Variants in TOGARAM2 observed in about 807,000 individuals in gnomAD.
TOGARAM2 encodes TOG array regulator of axonemal microtubules protein 2.
TOGARAM2 carries 85 observed loss-of-function variants against 93.3 expected under a neutral mutation model. That is an observed-to-expected ratio of 0.91 (90% CI 0.76 to 1.09). The LOEUF (loss-of-function observed/expected upper bound fraction) is 1.09, where lower values mean the gene tolerates loss of function less well. Among genes scored for constraint, TOGARAM2 ranks in the 50% least tolerant of loss-of-function variants. TOGARAM2 has a pLI of 0.00. For missense variants in TOGARAM2, 1,277 were observed against 1,334.5 expected (o/e 0.96, Z 0.67); for synonymous variants, 593 against 552.8 (o/e 1.07, Z -1.02).
At position 29,002,660 on chromosome 2, in the gene TOGARAM2, C is replaced by T; in HGVS notation, c.552C>T (p.Thr184=). The change falls in exon 5 of 20, where the codon ACC becomes ACT. Residue 184 remains threonine, a synonymous_variant. Coordinates refer to ENST00000379558, the MANE Select transcript of TOGARAM2 (RefSeq NM_199280.4). ...PMPLIQSIPT[T]PEASGVKEKG... ...CTCTCATCCAGAGCATCCCTACCAC[C>T]CCTGAGGCCAGCGGAGTCAAAGAGA... 6.2e-7 allele frequency: 1 copy of T among 1,614,020 alleles called. No individual in the cohort carries two copies. The highest frequency in any genetic ancestry group is 1.3e-5 in the African/African-American group (1 of 75,064).
intron 14 of TOGARAM2, among the ~76,000 whole-genome samples, chr2:29,027,597 TAAA>T (rs34859826): frequency 2.1e-5 from 3 of 145,406 alleles, no homozygotes; most frequent in African/African-American, 2.5e-5. Flanking sequence ...TGTCTCTACT[TAAA>T]AAAAAAAAAA....
In TOGARAM2 at chr2:28,957,884, GAC is replaced by G. The variant is rs372387411; in HGVS notation, c.-147+1191_-147+1192del. 1.8e-4 allele frequency among the ~76,000 whole-genome samples: 27 copies of G among 152,186 alleles called. No homozygotes were observed. In the East Asian group the frequency reaches 4.1e-3, roughly 23 times the overall value. On this transcript the variant is annotated intron_variant, in intron 1 of 6. Coordinates refer to the TOGARAM2 transcript ENST00000401723. ...GCTGGGTGTTCAGGGCCCTGCATTTGACACAGTGTTGAATGTCCCTAGGAGGG... is the reference window on the plus strand; with the variant it reads ...GCTGGGTGTTCAGGGCCCTGCATTTGACAGTGTTGAATGTCCCTAGGAGGG...
chr2:28,976,411 C>CT (rs534116140), upstream of TOGARAM2, among the ~76,000 whole-genome samples: 123 of 152,266 alleles, frequency 8.1e-4, 2 homozygotes, highest in Middle Eastern at 0.01. Flanking sequence ...CCATCAAATT[C>CT]TTTTTTGCCA....
In TOGARAM2 at chr2:29,045,628, A is replaced by G. The variant is rs946007594; in HGVS notation, c.2722+218A>G. The G allele has an allele frequency of 9.0e-6, 5 of 553,198 alleles. No homozygotes were observed. In the Admixed American group the frequency reaches 1.7e-4, roughly 19 times the overall value. 34.3% of individuals were successfully genotyped at this position (553,198 alleles called of 1,614,324 possible). ...AAATGAAGTAGGTTTGTACAAAAGC[A>G]AAAGTGTTTTTAAAAAACTGTTACA... is the stretch of plus-strand genomic sequence containing the variant. On this transcript the variant is annotated intron_variant, in intron 19 of 19. Coordinates refer to ENST00000379558, the MANE Select transcript of TOGARAM2 (RefSeq NM_199280.4).
chr2:29,011,169 C>T (rs547485843), intron 6 of TOGARAM2, among the ~76,000 whole-genome samples: 6 of 152,232 alleles, frequency 3.9e-5, no homozygotes, highest in Non-Finnish European at 5.9e-5. Flanking sequence ...TCCTTTAAGT[C>T]AGCAGTTTCT....
intron 14 of TOGARAM2, among the ~76,000 whole-genome samples, chr2:29,029,419 C>T (rs1665614984): frequency 6.6e-6 from 1 of 152,204 alleles, no homozygotes; most frequent in South Asian, 2.1e-4. Context: ...CGTATGTTGT[C>T]ACTCATAAGT....
At chr2:29,005,165 CATGTG>C (rs1673623466) in intron 6 of TOGARAM2, among the ~76,000 whole-genome samples, 1 of 75,636 alleles carries the variant, frequency 1.3e-5, no homozygotes, top group Non-Finnish European at 3.0e-5. Context: ...TGTGTGAGTG[CATGTG>C]TAAGGGCATA....
chr2:29,024,113 T>C, intron 12 of TOGARAM2, 26 bp from the exon 13 acceptor site: 2 of 1,550,718 alleles, frequency 1.3e-6, no homozygotes, highest in Non-Finnish European at 1.7e-6. Context: ...TCCAGCACCC[T>C]GGAGGGCCTC....
intron 1 of TOGARAM2, among the ~76,000 whole-genome samples, chr2:28,992,604 CT>C (rs1672788825): frequency 6.6e-6 from 1 of 152,170 alleles, no homozygotes; most frequent in African/African-American, 2.4e-5. Flanking sequence ...CCTCAGGCGG[CT>C]CGAGTCTTCT....
intron 1 of TOGARAM2, among the ~76,000 whole-genome samples, chr2:28,993,923 T>G (rs1024112211): frequency 6.6e-6 from 1 of 152,234 alleles, no homozygotes; most frequent in African/African-American, 2.4e-5. Context: ...AGAACTCCTC[T>G]CTGGGGTAGA....
chr2:29,035,065 G>A (rs558588318), intron 16 of TOGARAM2, among the ~76,000 whole-genome samples: 37 of 149,812 alleles, frequency 2.5e-4, no homozygotes, highest in Non-Finnish European at 4.4e-4. Flanking sequence ...CAGGAGAATC[G>A]TTTGAACCCA....
chr2:28,979,946 C>G (rs115473736), upstream of TOGARAM2, among the ~76,000 whole-genome samples: 1 of 152,214 alleles, frequency 6.6e-6, no homozygotes, highest in South Asian at 2.1e-4. Context: ...GTCACGTCCC[C>G]GCCCTGGGTT....
chr2:29,033,691 G>A (rs1665917109), intron 16 of TOGARAM2, 128 bp downstream of exon 16: 3 of 773,982 alleles, frequency 3.9e-6, no homozygotes, highest in East Asian at 2.8e-5. Flanking sequence ...ACCTAGTTGG[G>A]GCTGCAATAC....
intron 18 of TOGARAM2, 94 bp downstream of exon 18, chr2:29,036,851 C>A: frequency 7.9e-7 from 1 of 1,264,232 alleles, no homozygotes; most frequent in Non-Finnish European, 1.1e-6. Context: ...GGTTGGTTCC[C>A]AGGCCAGATG....
chr2:28,983,171 T>TATATAA (rs1295867539), intron 1 of TOGARAM2, among the ~76,000 whole-genome samples: 6 of 55,180 alleles, frequency 1.1e-4, no homozygotes, highest in African/African-American at 3.6e-4. Context: ...TGTGTGTGTA[T>TATATAA]ATATAAATAT....
chr2:29,030,428 A>G (rs2148366106), intron 14 of TOGARAM2, among the ~76,000 whole-genome samples: 1 of 152,240 alleles, frequency 6.6e-6, no homozygotes, highest in African/African-American at 2.4e-5. Flanking sequence ...CATCTACTAT[A>G]TAATAAAGTG....
chr2:29,044,738 G>T (rs1313656590), intron 18 of TOGARAM2, among the ~76,000 whole-genome samples: 1 of 151,944 alleles, frequency 6.6e-6, no homozygotes, highest in Non-Finnish European at 1.5e-5. Flanking sequence ...ATCAGTATGT[G>T]TTCAGTGTAG....
intron 10 of TOGARAM2, among the ~76,000 whole-genome samples, chr2:29,020,682 G>A (rs1664885021): frequency 6.6e-6 from 1 of 152,162 alleles, no homozygotes; most frequent in Non-Finnish European, 1.5e-5. Context: ...GGGGCAGCAG[G>A]GCAGGTGGCT....
upstream of TOGARAM2, among the ~76,000 whole-genome samples, chr2:28,980,114 G>A (rs1264462033): frequency 1.3e-5 from 2 of 152,196 alleles, no homozygotes; most frequent in African/African-American, 4.8e-5. Flanking sequence ...TCTCCTTTCT[G>A]GGCCTCTGCT....
Sources: gnomAD v4.1 joint callset for allele counts (sites outside exome capture counted in the v4.1 genomes callset) on GRCh38, gnomAD v4.1.1 for gene constraint, MANE v1.5 for transcripts, NCBI Gene and HGNC (gene_info 2026-07-23, HGNC 2026-07-21) for gene names.